Variants in RP1 observed in about 807,000 individuals in gnomAD.
RP1 encodes oxygen-regulated protein 1.
Under a neutral mutation model 14.8 loss-of-function variants are expected in RP1, and 16 were observed. The observed-to-expected ratio is 1.08, with a 90% confidence interval of 0.73 to 1.65. The LOEUF is 1.65. RP1 is among the 40% of genes most tolerant of loss of function. The pLI, the probability that RP1 is intolerant of heterozygous loss-of-function variation, is 0.00. For missense variants in RP1, 2,631 were observed against 2,535.0 expected (o/e 1.04, Z -0.81); for synonymous variants, 876 against 883.6 (o/e 0.99, Z 0.15).
intron 22 of RP1, among the ~76,000 whole-genome samples, chr8:54,765,314 A>T (rs1193232315): frequency 1.3e-5 from 2 of 152,258 alleles, no homozygotes; most frequent in African/African-American, 2.4e-5. Flanking sequence ...TACACAGAAC[A>T]TAGTAGGTAC....
intron 17 of RP1, among the ~76,000 whole-genome samples, chr8:54,731,413 G>T (rs1183653644): frequency 1.3e-5 from 2 of 152,096 alleles, no homozygotes; most frequent in Non-Finnish European, 2.9e-5. Context: ...TCCTAGCTTA[G>T]AGTATTTTAA....
At chr8:54,753,861 G>A (rs1809435614) in intron 19 of RP1, among the ~76,000 whole-genome samples, 1 of 152,178 alleles carries the variant, frequency 6.6e-6, no homozygotes, top group Non-Finnish European at 1.5e-5. Flanking sequence ...ATGGCAGCAA[G>A]CTCGAAGAAT....
chr8:54,682,469 A>G (rs1437401220), intron 12 of RP1, among the ~76,000 whole-genome samples: 2 of 152,086 alleles, frequency 1.3e-5, no homozygotes, highest in South Asian at 4.1e-4. Context: ...TACCGAGTAT[A>G]TACCCACAGG....
chr8:54,630,084 A>G lies in RP1; in HGVS notation c.6202A>G (p.Asn2068Asp), dbSNP rs765824311. The G allele has an allele frequency of 6.2e-7, 1 of 1,613,986 alleles. No homozygotes were observed. Among genetic ancestry groups the G allele is most frequent in the Non-Finnish European group, 8.5e-7 (1 of 1,179,946 alleles). The change falls in exon 4 of 4, where the codon AAT (asparagine) becomes GAT (aspartate). Residue 2068 changes from asparagine (N) to aspartate (D), a missense_variant. Asn to Asp is a conservative substitution (Grantham distance 23). Coordinates refer to ENST00000220676, the MANE Select transcript of RP1 (RefSeq NM_006269.2). ...TGAAATCTTTAAAGCAGTCGATGAG[A>G]ATAACAACTTATTAAATAACAGATT... ...TNEIFKAVDENNNLLNNRFQG... is the reference protein window; with the variant it reads ...TNEIFKAVDEDNNLLNNRFQG...
chr8:54,764,294 C>A (rs551915641), intron 22 of RP1, among the ~76,000 whole-genome samples: 1 of 152,352 alleles, frequency 6.6e-6, no homozygotes, highest in East Asian at 1.9e-4. Flanking sequence ...CTGGCAGACA[C>A]TTTCTTCTCT....
chr8:54,846,471 G>A (rs1050696634), intron 25 of RP1, among the ~76,000 whole-genome samples: 5 of 152,142 alleles, frequency 3.3e-5, no homozygotes, highest in African/African-American at 9.7e-5. Context: ...TGTGGTAGTA[G>A]TTCCAAGACT....
intron 1 of RP1, among the ~76,000 whole-genome samples, chr8:54,568,707 C>T (rs76484230): frequency 0.056 from 8,580 of 152,238 alleles, 337 homozygotes; most frequent in Non-Finnish European, 0.082. Context: ...CTAGTATGTG[C>T]CAGGCACATT....
intron 24 of RP1, among the ~76,000 whole-genome samples, chr8:54,796,031 G>A (rs973180190): frequency 6.6e-6 from 1 of 152,116 alleles, no homozygotes; most frequent in Non-Finnish European, 1.5e-5. Flanking sequence ...AGGATCAGCA[G>A]TGAGATTCTG....
chr8:54,575,779 C>G (rs897319050), intron 1 of RP1, among the ~76,000 whole-genome samples: 1 of 152,044 alleles, frequency 6.6e-6, no homozygotes, highest in Non-Finnish European at 1.5e-5. Flanking sequence ...TGTTCCTCTC[C>G]CTCCTCTCGC....
chr8:54,690,222 C>A (rs1314751061), intron 12 of RP1, among the ~76,000 whole-genome samples: 2 of 152,092 alleles, frequency 1.3e-5, no homozygotes, highest in East Asian at 1.9e-4. Context: ...GAGGTCATTG[C>A]TAATAGTTAA....
chr8:54,572,146 C>G (rs1481746362), intron 1 of RP1, among the ~76,000 whole-genome samples: 1 of 152,172 alleles, frequency 6.6e-6, no homozygotes, highest in East Asian at 1.9e-4. Context: ...ATTTGTTGCT[C>G]TTTGTGAGCA....
In RP1 at chr8:54,630,428, C is replaced by T. The variant is rs1439625423; in HGVS notation, c.*75C>T. Reference sequence around the variant, plus strand: ...ATGAAGCACATGTGACGAATACGGACTAGATAACCTCTAAGAATTTTCCAC... The same window carrying T: ...ATGAAGCACATGTGACGAATACGGATTAGATAACCTCTAAGAATTTTCCAC... On this transcript the variant is annotated 3_prime_UTR_variant, in exon 4 of 4. Coordinates refer to ENST00000220676, the MANE Select transcript of RP1 (RefSeq NM_006269.2). 2.5e-6 allele frequency: 4 copies of T among 1,578,836 alleles called. No homozygotes were observed. The East Asian group carries it at 9.1e-5, about 36-fold the overall frequency.
chr8:54,817,132 T>A (rs1348272995), intron 24 of RP1, among the ~76,000 whole-genome samples: 1 of 152,152 alleles, frequency 6.6e-6, no homozygotes, highest in Non-Finnish European at 1.5e-5. Flanking sequence ...CTGTCTTGTC[T>A]CATTAGACAT....
rs371215579 is a variant in RP1 at position 54,592,818 on chromosome 8, C to T, written c.-12-28137C>T. Among the ~76,000 whole-genome samples the T allele has an allele frequency of 1.4e-4, 21 of 152,204 alleles. No individual in the cohort carries two copies. In the South Asian group the frequency reaches 4.1e-3, roughly 30 times the overall value. On this transcript the variant is annotated intron_variant, in intron 1 of 22. Transcript: ENST00000636932. The stretch of plus-strand genomic sequence containing the variant: ...CCCTTAGTGGCTCCAGGTATTACTT[C>T]TGTGTTCTAGGCAGGAAGGGGGAAA...
intron 8 of RP1, chr8:54,678,401 T>G: frequency 7.3e-7 from 1 of 1,371,950 alleles, no homozygotes; most frequent in East Asian, 2.5e-5. Flanking sequence ...TCTCAAAACT[T>G]GAAGTATTAT....
intron 18 of RP1, among the ~76,000 whole-genome samples, chr8:54,736,433 T>A (rs1007013121): frequency 1.3e-5 from 2 of 152,176 alleles, no homozygotes; most frequent in Non-Finnish European, 2.9e-5. Flanking sequence ...TCCTTACTAA[T>A]CCTCAGTATC....
At chr8:54,737,561 T>A (rs1267224134) in intron 18 of RP1, among the ~76,000 whole-genome samples, 3 of 152,138 alleles carry the variant, frequency 2.0e-5, no homozygotes, top group Admixed American at 6.6e-5. Flanking sequence ...AGCCTCTGAG[T>A]TCTGCCACTG....
intron 12 of RP1, among the ~76,000 whole-genome samples, chr8:54,695,287 A>G (rs1045351556): frequency 2.6e-5 from 4 of 152,084 alleles, no homozygotes; most frequent in African/African-American, 7.2e-5. Context: ...TAACTGATTT[A>G]TTCAACAAAT....
rs1029377077 is a variant in RP1, at chr8:54,801,735, G to A, written c.3615+18025G>A. On this transcript the variant is annotated intron_variant, in intron 24 of 28. Transcript: ENST00000637698. ...CATATCCAGCCTTTAGCAATTTGTT[G>A]GAAATTTCTAGGTGCATTCTTTACT... 2.0e-5 allele frequency among the ~76,000 whole-genome samples: 3 copies of A among 152,184 alleles called. No homozygotes were observed. In the East Asian group the frequency reaches 5.8e-4, roughly 29 times the overall value.
Sources: gnomAD v4.1 joint callset for allele counts (sites outside exome capture counted in the v4.1 genomes callset) on GRCh38, gnomAD v4.1.1 for gene constraint, MANE v1.5 for transcripts, NCBI Gene and HGNC (gene_info 2026-07-23, HGNC 2026-07-21) for gene names.